The following KIAA0930 variants were observed in gnomAD, a reference collection of about 807,000 sequenced individuals.
The protein encoded by KIAA0930 is uncharacterized protein KIAA0930.
KIAA0930 carries 24 observed loss-of-function variants against 43.9 expected under a neutral mutation model. That is an observed-to-expected ratio of 0.55 (90% CI 0.40 to 0.77). The LOEUF (loss-of-function observed/expected upper bound fraction) is 0.77. Among genes scored for constraint, KIAA0930 ranks in the 30% least tolerant of loss-of-function variants. The pLI is 0.00. For synonymous variants in KIAA0930, 259 were observed against 216.4 expected (o/e 1.20, Z -1.73); for missense variants, 461 against 574.2 (o/e 0.80, Z 2.02).
chr22:45,226,144 C>T, intron 1 of KIAA0930: 1 of 426,670 alleles, frequency 2.3e-6, no homozygotes, highest in Non-Finnish European at 5.0e-6. Context: ...GGCAGCCTCT[C>T]CACTCACCCT....
intron 7 of KIAA0930, chr22:45,200,921 G>C (rs2083582645): frequency 4.2e-6 from 2 of 481,672 alleles, no homozygotes; most frequent in African/African-American, 2.0e-5. Flanking sequence ...GATGCCGCTG[G>C]AGCTGGGTCT....
intron 5 of KIAA0930, 34 bp downstream of exon 5, chr22:45,205,183 G>A: frequency 2.6e-6 from 4 of 1,532,078 alleles, no homozygotes; most frequent in Non-Finnish European, 3.6e-6. Flanking sequence ...ACGAGAAGGG[G>A]AAGCTAAGGA....
chr22:45,200,933 G>A (rs563073695), intron 7 of KIAA0930: 3 of 487,896 alleles, frequency 6.1e-6, no homozygotes, highest in Admixed American at 4.5e-5. Context: ...GCTGGGTCTT[G>A]AAGGACGAGT....
chr22:45,194,909 C>A lies in KIAA0930; in HGVS notation c.*2267G>T, dbSNP rs970672655. ...GTTAGTTCCGGACAGTTCCTTGGTG[C>A]CTGTGTGCTGGTTTTCTCGTCTGTA... On this transcript the variant is annotated 3_prime_UTR_variant, in exon 10 of 10. Transcript: ENST00000336156. 6.6e-6 allele frequency: 1 copy of A among 152,240 alleles called. No homozygotes were observed. The highest frequency in any genetic ancestry group is 2.4e-5 in the African/African-American group (1 of 41,436). 9.4% of individuals were successfully genotyped at this position (152,240 alleles called of 1,614,324 possible).
chr22:45,218,169 ATTTT>A, intron 1 of KIAA0930, among the ~76,000 whole-genome samples: 1 of 149,192 alleles, frequency 6.7e-6, no homozygotes, highest in Non-Finnish European at 1.5e-5. Context: ...TTATTCATTT[ATTTT>A]TGAGACAGAG....
chr22:45,223,397 G>C (rs2083778986), intron 1 of KIAA0930, among the ~76,000 whole-genome samples: 2 of 152,342 alleles, frequency 1.3e-5, no homozygotes, highest in African/African-American at 4.8e-5. Flanking sequence ...GATGGTCAGG[G>C]TCCATCCTGG....
chr22:45,212,270 G>T (rs775439774), intron 1 of KIAA0930, 163 bp from the exon 2 acceptor site: 2 of 1,613,188 alleles, frequency 1.2e-6, no homozygotes, highest in East Asian at 2.2e-5. Flanking sequence ...CCCACCCATG[G>T]AGCATCCAGA....
At chr22:45,211,851 T>C (rs2083696339) in intron 2 of KIAA0930, 105 bp downstream of exon 2, 1 of 1,130,102 alleles carries the variant, frequency 8.8e-7, no homozygotes, top group African/African-American at 1.5e-5. Context: ...CTCACCCTCT[T>C]TGATATGCAT....
At chr22:45,212,233 G>T in intron 1 of KIAA0930, 126 bp from the exon 2 acceptor site, 1 of 1,612,490 alleles carries the variant, frequency 6.2e-7, no homozygotes, top group Non-Finnish European at 8.5e-7. Flanking sequence ...TCTGAGATGC[G>T]CCACCCTTCC....
At chr22:45,200,134 C>A in intron 7 of KIAA0930, 99 bp from the exon 8 acceptor site, 4 of 1,256,776 alleles carry the variant, frequency 3.2e-6, no homozygotes, top group Non-Finnish European at 4.3e-6. Context: ...CCTGACACAG[C>A]TCCCAGGGAA....
intron 1 of KIAA0930, among the ~76,000 whole-genome samples, chr22:45,214,943 T>G (rs1356737827): frequency 6.7e-6 from 1 of 149,172 alleles, no homozygotes; most frequent in South Asian, 2.1e-4. Context: ...TTAGGCCAGG[T>G]GCAGTGGCTC....
intron 2 of KIAA0930, among the ~76,000 whole-genome samples, chr22:45,209,641 C>T (rs1179078087): frequency 1.3e-5 from 2 of 152,228 alleles, no homozygotes; most frequent in Non-Finnish European, 2.9e-5. Context: ...CCTCTTCCCA[C>T]CATCACAGCA....
intron 8 of KIAA0930, among the ~76,000 whole-genome samples, chr22:45,198,950 C>T (rs984168358): frequency 1.3e-5 from 2 of 152,210 alleles, no homozygotes; most frequent in Non-Finnish European, 2.9e-5. Flanking sequence ...TGTGCCTGGC[C>T]AATCCTTCAC....
intron 1 of KIAA0930, among the ~76,000 whole-genome samples, chr22:45,218,333 ATTTTTTT>A (rs752298111): frequency 2.7e-4 from 14 of 51,706 alleles, no homozygotes; most frequent in South Asian, 1.1e-3. Context: ...AATTTTTTTG[ATTTTTTT>A]TTTTTTTTTT....
intron 1 of KIAA0930, 156 bp from the exon 2 acceptor site, chr22:45,212,263 A>G: frequency 6.2e-7 from 1 of 1,612,366 alleles, no homozygotes. Context: ...CCCGACCCCC[A>G]CCCATGGAGC....
chr22:45,238,716 C>T (rs1569087717), intron 1 of KIAA0930, among the ~76,000 whole-genome samples: 1 of 151,986 alleles, frequency 6.6e-6, no homozygotes, highest in Non-Finnish European at 1.5e-5. Context: ...GTGCGGGAGG[C>T]CTGGAGAAGA....
intron 7 of KIAA0930, among the ~76,000 whole-genome samples, chr22:45,201,925 C>T (rs1272337587): frequency 2.6e-5 from 4 of 152,262 alleles, no homozygotes; most frequent in African/African-American, 4.8e-5. Flanking sequence ...AGTAGGTCAA[C>T]AGCAACTACT....
chr22:45,231,883 C>A lies in KIAA0930; in HGVS notation c.64+8757G>T, dbSNP rs148583003. On this transcript the variant is annotated intron_variant, in intron 1 of 9. Coordinates refer to ENST00000336156, the MANE Select transcript of KIAA0930 (RefSeq NM_001009880.2). ...GCGGGTGCCTGTAGTCCCAGCTACT[C>A]GGGAGGCTGAGGCAGGAGAATGGCG... Among the ~76,000 whole-genome samples, 482 of 152,152 alleles carry A rather than the reference C, an allele frequency of 3.2e-3. 2 individuals are homozygous for A. Among genetic ancestry groups the A allele is most frequent in the Non-Finnish European group, 5.5e-3 (371 of 67,992 alleles).
intron 1 of KIAA0930, among the ~76,000 whole-genome samples, chr22:45,216,991 G>T (rs763773078): frequency 6.6e-6 from 1 of 152,190 alleles, no homozygotes; most frequent in Non-Finnish European, 1.5e-5. Context: ...GCAAATACAA[G>T]GTTAGGGTCC....
Sources: allele counts gnomAD v4.1 joint callset (sites outside exome capture counted in the v4.1 genomes callset), GRCh38; gene constraint gnomAD v4.1.1; transcripts MANE v1.5; gene names NCBI Gene and HGNC (gene_info 2026-07-23, HGNC 2026-07-21).